ITPR1: variants seen among roughly 807,000 people sequenced by gnomAD.
The protein encoded by ITPR1 is inositol 1,4,5-trisphosphate-gated calcium channel ITPR1.
Under a neutral mutation model 318.4 loss-of-function variants are expected in ITPR1, and 96 were observed. The ratio of observed to expected loss-of-function variants is 0.30; its 90% confidence interval spans 0.26 to 0.36. The LOEUF is 0.36. Ranked by LOEUF, ITPR1 falls within the 10% of genes least tolerant of loss-of-function variation. The pLI, the probability that ITPR1 is intolerant of heterozygous loss-of-function variation, is 1.00. For missense variants in ITPR1, 2,440 were observed against 3,460.2 expected, an observed-to-expected ratio of 0.71 and a Z score of 7.40; for synonymous variants, 1,312 against 1,289.9, an observed-to-expected ratio of 1.02 and a Z score of -0.37.
Position 4,683,700 on chromosome 3 carries a change from T to A in ITPR1, c.3400T>A (p.Ser1134Thr), listed in dbSNP as rs2094340372. The A allele has an allele frequency of 6.2e-7, 1 of 1,613,788 alleles. No individual in the cohort carries two copies. The highest frequency in any genetic ancestry group is 1.3e-5 in the African/African-American group (1 of 74,900). Residue 1134 changes from serine (S) to threonine (T), a missense_variant, in exon 28 of 62, where the codon TCC becomes ACC. Physicochemically the swap from Ser to Thr is moderately conservative, Grantham distance 58. This residue lies in a region of ITPR1 where 76 missense variants were observed against 132.2 expected (regional missense o/e 0.58). Coordinates refer to ENST00000649015, the MANE Select transcript of ITPR1 (RefSeq NM_001378452.1). ...QIKQDLDQLR[S>T]IVEKSELWVY... ...CAAACAAGACTTGGATCAACTGAGG[T>A]CCATCGTGGAAAAGTCAGAGCTTTG...
Position 4,711,883 on chromosome 3 carries a change from T to G in ITPR1, c.5103+15T>G, listed in dbSNP as rs756614901. The G allele has an allele frequency of 1.5e-5, 20 of 1,352,586 alleles. No homozygotes were observed. Among genetic ancestry groups the G allele is most frequent in the Admixed American group, 4.7e-5 (2 of 42,920 alleles). The allele number at this position is 1,352,586 out of a possible 1,614,324, so 83.8% of individuals were successfully genotyped here. ...ATGGAGAAAAGGTACTGCATTTTAT[T>G]TTCATGGTCAAACCAGGTTTTACTA... On this transcript the variant is annotated intron_variant, in intron 39 of 61. Transcript: ENST00000649015.
At chr3:4,838,213 A>C (rs1432229762) in intron 61 of ITPR1, among the ~76,000 whole-genome samples, 9 of 152,218 alleles carry the variant, frequency 5.9e-5, no homozygotes, top group Non-Finnish European at 1.3e-4. Flanking sequence ...GTAGGAAAAG[A>C]AGGCCTTATT....
intron 4 of ITPR1, among the ~76,000 whole-genome samples, chr3:4,588,955 T>G (rs1327002572): frequency 6.6e-6 from 1 of 152,186 alleles, no homozygotes; most frequent in Non-Finnish European, 1.5e-5. Context: ...TCTACAGCCC[T>G]CATTCTGCTC....
At chr3:4,791,720 A>G (rs1331957052) in intron 52 of ITPR1, among the ~76,000 whole-genome samples, 2 of 152,244 alleles carry the variant, frequency 1.3e-5, no homozygotes, top group African/African-American at 2.4e-5. Context: ...AGTGGCTGCA[A>G]TACCAAGCTG....
At chr3:4,832,123 T>G (rs2106534383) in intron 60 of ITPR1, among the ~76,000 whole-genome samples, 1 of 152,216 alleles carries the variant, frequency 6.6e-6, no homozygotes, top group Middle Eastern at 3.4e-3. Flanking sequence ...ACACCTAAAT[T>G]TGGGGCTCTC....
chr3:4,504,236 A>G (rs2081243097), intron 2 of ITPR1, among the ~76,000 whole-genome samples: 1 of 152,150 alleles, frequency 6.6e-6, no homozygotes, highest in East Asian at 1.9e-4. Context: ...TGGTTGGGGA[A>G]AAGGTTATTT....
At chr3:4,571,652 AC>A (rs1390324598) in intron 4 of ITPR1, among the ~76,000 whole-genome samples, 5 of 151,996 alleles carry the variant, frequency 3.3e-5, no homozygotes, top group African/African-American at 7.3e-5. Context: ...CTTCTTACCT[AC>A]CACACGTGTT....
At chr3:4,552,646 G>A (rs2085682995) in intron 4 of ITPR1, among the ~76,000 whole-genome samples, 1 of 152,156 alleles carries the variant, frequency 6.6e-6, no homozygotes, top group Admixed American at 6.5e-5. Flanking sequence ...GTCCTTTTGG[G>A]TTTTTATGGA....
At chr3:4,514,985 C>T (rs1000848525) in intron 2 of ITPR1, among the ~76,000 whole-genome samples, 25 of 152,168 alleles carry the variant, frequency 1.6e-4, no homozygotes, top group Non-Finnish European at 2.9e-4. Flanking sequence ...TGTGTATCTT[C>T]CCTCAAGGTC....
intron 2 of ITPR1, among the ~76,000 whole-genome samples, chr3:4,499,380 A>G (rs1307129667): frequency 6.6e-6 from 1 of 152,156 alleles, no homozygotes; most frequent in African/African-American, 2.4e-5. Flanking sequence ...TACATCTTGA[A>G]CATCTTTTTA....
intron 2 of ITPR1, among the ~76,000 whole-genome samples, chr3:4,511,753 A>T (rs553471347): frequency 6.6e-6 from 1 of 152,022 alleles, no homozygotes; most frequent in South Asian, 2.1e-4. Context: ...GGGCACTTTG[A>T]CTCTGGAGCC....
intron 19 of ITPR1, among the ~76,000 whole-genome samples, chr3:4,670,132 G>C (rs1337356702): frequency 6.6e-6 from 1 of 152,162 alleles, no homozygotes; most frequent in African/African-American, 2.4e-5. Flanking sequence ...AGTCAGTGTT[G>C]GGAGGAGTTT....
At chr3:4,718,987 C>A (rs531135738) in intron 40 of ITPR1, among the ~76,000 whole-genome samples, 1 of 152,122 alleles carries the variant, frequency 6.6e-6, no homozygotes, top group Admixed American at 6.5e-5. Context: ...CAAATGAAGT[C>A]GGGAAAGGAA....
At chr3:4,716,361 G>A (rs1017046188) in intron 39 of ITPR1, among the ~76,000 whole-genome samples, 4 of 152,136 alleles carry the variant, frequency 2.6e-5, no homozygotes, top group African/African-American at 9.7e-5. Context: ...TTTACTGTGG[G>A]TTTTTATTAT....
At chr3:4,594,936 T>C (rs1458769082) in intron 4 of ITPR1, among the ~76,000 whole-genome samples, 2 of 151,636 alleles carry the variant, frequency 1.3e-5, no homozygotes, top group Non-Finnish European at 2.9e-5. Flanking sequence ...GGGGGAAGTA[T>C]AGCAAAGTGG....
At chr3:4,518,025 G>A (rs2082285793) in intron 3 of ITPR1, among the ~76,000 whole-genome samples, 1 of 152,180 alleles carries the variant, frequency 6.6e-6, no homozygotes, top group South Asian at 2.1e-4. Context: ...AAACTTTTGA[G>A]CTTCAGAGAG....
At chr3:4,674,919 A>G (rs992469613) in intron 22 of ITPR1, 149 bp from the exon 23 acceptor site, 2 of 544,452 alleles carry the variant, frequency 3.7e-6, no homozygotes, top group Non-Finnish European at 6.4e-6. Flanking sequence ...CAAAATGAAA[A>G]TTTATCAGAA....
chr3:4,500,388 G>A (rs2124872895), intron 2 of ITPR1, among the ~76,000 whole-genome samples: 1 of 151,652 alleles, frequency 6.6e-6, no homozygotes, highest in East Asian at 1.9e-4. Flanking sequence ...TTTTTGTAGG[G>A]ACGGGATCTC....
At chr3:4,654,366 G>A (rs955287431) in intron 12 of ITPR1, among the ~76,000 whole-genome samples, 9 of 152,192 alleles carry the variant, frequency 5.9e-5, no homozygotes, top group African/African-American at 1.9e-4. Flanking sequence ...CAGCTAATCC[G>A]TCCTTGATTT....
Sources: gnomAD v4.1 joint callset for allele counts (sites outside exome capture counted in the v4.1 genomes callset) on GRCh38, gnomAD v4.1.1 for gene constraint, gnomAD v4.1.1 regional missense constraint, MANE v1.5 for transcripts, NCBI Gene and HGNC (gene_info 2026-07-23, HGNC 2026-07-21) for gene names.